The following KCND2 variants were observed in gnomAD, a reference collection of about 807,000 sequenced individuals.
The protein encoded by KCND2 is potassium voltage-gated channel subfamily D member 2.
KCND2 carries 16 observed loss-of-function variants against 54.4 expected under a neutral mutation model. The observed-to-expected ratio is 0.29, with a 90% CI of 0.20 to 0.45. The LOEUF is 0.45. KCND2 is among the 20% of genes least tolerant of loss of function. The pLI is 1.00. For missense variants in KCND2, 486 were observed against 824.2 expected (o/e 0.59, Z 5.02); for synonymous variants, 317 against 310.7 (o/e 1.02, Z -0.21).
chr7:120,656,836 C>A (rs1411901695), intron 1 of KCND2, among the ~76,000 whole-genome samples: 2 of 152,108 alleles, frequency 1.3e-5, no homozygotes, highest in Non-Finnish European at 2.9e-5. Context: ...CCTAGGGAGT[C>A]CCTCGTGCAG....
chr7:120,741,707 T>A, intron 3 of KCND2, 78 bp downstream of exon 3: 1 of 991,632 alleles, frequency 1.0e-6, no homozygotes, highest in Non-Finnish European at 1.6e-6. Flanking sequence ...TCCTATAATT[T>A]TATTATGGCT....
intron 1 of KCND2, among the ~76,000 whole-genome samples, chr7:120,399,024 C>T (rs141139537): frequency 7.9e-5 from 12 of 151,972 alleles, no homozygotes; most frequent in South Asian, 4.2e-4. Flanking sequence ...TCACCTTTTG[C>T]GCTCTTTGCT....
chr7:120,362,758 C>A (rs768988306), intron 1 of KCND2, among the ~76,000 whole-genome samples: 37 of 152,046 alleles, frequency 2.4e-4, no homozygotes, highest in Admixed American at 1.5e-3. Context: ...GTGACATAGG[C>A]TATACTTTAT....
At chr7:120,692,353 C>A (rs1792280219) in intron 1 of KCND2, among the ~76,000 whole-genome samples, 1 of 152,268 alleles carries the variant, frequency 6.6e-6, no homozygotes, top group Non-Finnish European at 1.5e-5. Context: ...GCTTGGGGAC[C>A]AGTTAACTTT....
chr7:120,547,210 A>G (rs796635558), intron 1 of KCND2, among the ~76,000 whole-genome samples: 10 of 152,138 alleles, frequency 6.6e-5, no homozygotes, highest in African/African-American at 2.4e-4. Flanking sequence ...AAAGTCAAAG[A>G]TAGAGAGATA....
chr7:120,390,758 T>A (rs187313789), intron 1 of KCND2, among the ~76,000 whole-genome samples: 1 of 152,144 alleles, frequency 6.6e-6, no homozygotes, highest in African/African-American at 2.4e-5. Context: ...ATATATAATT[T>A]GTCATTCCCT....
At chr7:120,459,230 C>A (rs1013788113) in intron 1 of KCND2, among the ~76,000 whole-genome samples, 1 of 152,106 alleles carries the variant, frequency 6.6e-6, no homozygotes. Flanking sequence ...TGCTCCCTTG[C>A]CGTTCTTCCG....
chr7:120,504,465 G>T (rs760546257), intron 1 of KCND2, among the ~76,000 whole-genome samples: 1 of 151,322 alleles, frequency 6.6e-6, no homozygotes, highest in Non-Finnish European at 1.5e-5. Flanking sequence ...GCTTCTTATT[G>T]TAAATACCTA....
At chr7:120,609,153 A>G (rs373131062) in intron 1 of KCND2, among the ~76,000 whole-genome samples, 1 of 152,050 alleles carries the variant, frequency 6.6e-6, no homozygotes, top group South Asian at 2.1e-4. Context: ...AAAGTAATAC[A>G]GTTGCTACCT....
At chr7:120,726,841 T>C (rs1264265491) in intron 1 of KCND2, among the ~76,000 whole-genome samples, 1 of 152,234 alleles carries the variant, frequency 6.6e-6, no homozygotes, top group Non-Finnish European at 1.5e-5. Flanking sequence ...TCATTCATTC[T>C]ATTCCTTATA....
intron 1 of KCND2, among the ~76,000 whole-genome samples, chr7:120,462,463 A>G (rs1802297579): frequency 6.6e-6 from 1 of 152,054 alleles, no homozygotes; most frequent in Non-Finnish European, 1.5e-5. Context: ...AACAGTAAGC[A>G]TATTAAAGAG....
intron 1 of KCND2, among the ~76,000 whole-genome samples, chr7:120,308,897 A>G (rs879323193): frequency 1.1e-4 from 17 of 152,192 alleles, no homozygotes; most frequent in Non-Finnish European, 1.6e-4. Context: ...TGAGTTTCTT[A>G]TTAAACTAAA....
At chr7:120,506,323 AATTAG>A (rs774907773) in intron 1 of KCND2, among the ~76,000 whole-genome samples, 4 of 151,828 alleles carry the variant, frequency 2.6e-5, no homozygotes, top group African/African-American at 4.8e-5. Context: ...GTGGCTGGTT[AATTAG>A]ATTAGAGCAC....
intron 1 of KCND2, among the ~76,000 whole-genome samples, chr7:120,604,668 T>G (rs1792858912): frequency 6.6e-6 from 1 of 151,982 alleles, no homozygotes; most frequent in African/African-American, 2.4e-5. Flanking sequence ...GTCTTGAATA[T>G]GCAAAAGTTT....
chr7:120,678,533 T>C (rs1368758464), intron 1 of KCND2, among the ~76,000 whole-genome samples: 4 of 147,318 alleles, frequency 2.7e-5, no homozygotes, highest in African/African-American at 4.9e-5. Flanking sequence ...CACATAAATA[T>C]ACAAAATGTA....
chr7:120,318,385 G>A (rs1404882570), intron 1 of KCND2, among the ~76,000 whole-genome samples: 2 of 152,030 alleles, frequency 1.3e-5, no homozygotes, highest in African/African-American at 4.8e-5. Flanking sequence ...CAGAAATAAT[G>A]TCAAATACTC....
intron 1 of KCND2, among the ~76,000 whole-genome samples, chr7:120,515,814 G>T (rs1209748382): frequency 6.6e-6 from 1 of 152,100 alleles, no homozygotes; most frequent in Non-Finnish European, 1.5e-5. Context: ...TGAAATGGCA[G>T]ATCCTTTCCC....
At chr7:120,568,592 A>G (rs1792326502) in intron 1 of KCND2, among the ~76,000 whole-genome samples, 1 of 152,170 alleles carries the variant, frequency 6.6e-6, no homozygotes. Flanking sequence ...TCAAAGTACA[A>G]TTAATAATCA....
chr7:120,354,119 A>G (rs555222069), intron 1 of KCND2, among the ~76,000 whole-genome samples: 523 of 152,150 alleles, frequency 3.4e-3, no homozygotes, highest in Non-Finnish European at 5.4e-3. Flanking sequence ...TGAACCAGCC[A>G]TTTTTTTAAT....
Sources: gnomAD v4.1 joint callset for allele counts (sites outside exome capture counted in the v4.1 genomes callset) on GRCh38, gnomAD v4.1.1 for gene constraint, MANE v1.5 for transcripts, NCBI Gene and HGNC (gene_info 2026-07-23, HGNC 2026-07-21) for gene names.